SCFD1: variants seen among roughly 807,000 people sequenced by gnomAD.
SCFD1 encodes the protein sec1 family domain containing 1.
Under a neutral mutation model 103.2 loss-of-function variants are expected in SCFD1, and 37 were observed. The ratio of observed to expected loss-of-function variants is 0.36; its 90% CI spans 0.28 to 0.47. The LOEUF (loss-of-function observed/expected upper bound fraction) is 0.47. Among genes scored for constraint, SCFD1 ranks in the 20% least tolerant of loss-of-function variants. The pLI, the probability that SCFD1 is intolerant of heterozygous loss-of-function variation, is 1.00. For synonymous variants in SCFD1, 264 were observed against 245.0 expected, an observed-to-expected ratio of 1.08 and a Z score of -0.73; for missense variants, 639 against 761.2, an observed-to-expected ratio of 0.84 and a Z score of 1.89.
chr14:30,640,106 C>T (rs773048409), intron 6 of SCFD1, among the ~76,000 whole-genome samples: 3 of 152,106 alleles, frequency 2.0e-5, no homozygotes, highest in Admixed American at 2.0e-4. Context: ...TTTCTATACC[C>T]CCACAGCAAC....
intron 10 of SCFD1, among the ~76,000 whole-genome samples, chr14:30,655,461 T>C (rs1021559475): frequency 6.6e-6 from 1 of 152,182 alleles, no homozygotes; most frequent in African/African-American, 2.4e-5. Context: ...TTGACTTTAA[T>C]TTGATGGAAA....
chr14:30,625,718 G>A (rs1883357335), intron 1 of SCFD1, among the ~76,000 whole-genome samples: 1 of 105,614 alleles, frequency 9.5e-6, no homozygotes, highest in South Asian at 2.7e-4. Context: ...TAGGTATATA[G>A]GTATATAGGT....
intron 1 of SCFD1, 114 bp downstream of exon 1, chr14:30,622,513 A>C (rs888144143): frequency 4.8e-5 from 69 of 1,442,768 alleles, no homozygotes; most frequent in Admixed American, 7.8e-5. Context: ...AGTCCCTAGA[A>C]CATCAAGAGC....
intron 14 of SCFD1, chr14:30,683,449 A>T: frequency 2.0e-6 from 1 of 488,074 alleles, no homozygotes; most frequent in Non-Finnish European, 4.0e-6. Flanking sequence ...GATTCAGGGA[A>T]GGCAGAAATG....
intron 23 of SCFD1, among the ~76,000 whole-genome samples, chr14:30,732,536 C>G (rs1244990964): frequency 6.6e-6 from 1 of 152,132 alleles, no homozygotes; most frequent in Non-Finnish European, 1.5e-5. Context: ...CTAATCTTTT[C>G]CCTACCATTC....
chr14:30,723,504 T>C (rs1185880560), intron 23 of SCFD1, among the ~76,000 whole-genome samples: 1 of 152,166 alleles, frequency 6.6e-6, no homozygotes, highest in African/African-American at 2.4e-5. Context: ...ATCACTCAGG[T>C]ATTAAGCCTA....
At chr14:30,675,622 C>T (rs562730427) in intron 14 of SCFD1, among the ~76,000 whole-genome samples, 1 of 152,270 alleles carries the variant, frequency 6.6e-6, no homozygotes, top group South Asian at 2.1e-4. Flanking sequence ...CTTACTTAAT[C>T]AGTCCTTCAG....
At position 30,622,350 on chromosome 14, in the gene SCFD1, GGCGGCAGCGACAGCAGCAGCAGCA is replaced by G. The variant is rs1594528863; in HGVS notation, c.15_38del (p.Ala6_Ala13del). 1 of 1,570,362 alleles carries G rather than the reference GGCGGCAGCGACAGCAGCAGCAGCA, an allele frequency of 6.4e-7. No homozygotes were observed. The highest frequency in any genetic ancestry group is 2.4e-5 in the East Asian group (1 of 42,410). ...TCGTGGGAGCCAAGATGGCGGCGGC[GGCGGCAGCGACAGCAGCAGCAGCA>G]GCCAGTATTCGGGAAAGGCAGACAG... On this transcript the variant is annotated inframe_deletion, in exon 1 of 25. Transcript: ENST00000458591.
chr14:30,691,243 C>T (rs941312200), intron 14 of SCFD1, among the ~76,000 whole-genome samples: 1 of 152,142 alleles, frequency 6.6e-6, no homozygotes, highest in Non-Finnish European at 1.5e-5. Context: ...TTAATAATTC[C>T]TAGCTCATAG....
At chr14:30,706,150 T>A (rs1283591084) in intron 18 of SCFD1, among the ~76,000 whole-genome samples, 2 of 152,200 alleles carry the variant, frequency 1.3e-5, no homozygotes, top group Non-Finnish European at 2.9e-5. Context: ...AATTAGCATA[T>A]CACCTCAAAC....
Position 30,664,482 on chromosome 14 carries a change from C to T in SCFD1, c.856-5774C>T, listed in dbSNP as rs1172174301. 2.6e-5 allele frequency among the ~76,000 whole-genome samples: 4 copies of T among 152,104 alleles called. No individual in the cohort carries two copies. In the East Asian group the frequency reaches 5.8e-4, roughly 22 times the overall value. ...AACCTGGAAATTCTAAAAACCAGAG[C>T]GCCCCTTCTTCTCCAAAGGATTGCA... is the stretch of plus-strand genomic sequence containing the variant. On this transcript the variant is annotated intron_variant, in intron 10 of 24. Coordinates refer to ENST00000458591, the MANE Select transcript of SCFD1 (RefSeq NM_016106.4).
chr14:30,708,448 A>G (rs1201980633), intron 19 of SCFD1, among the ~76,000 whole-genome samples: 1 of 152,164 alleles, frequency 6.6e-6, no homozygotes, highest in Non-Finnish European at 1.5e-5. Context: ...TTAGAAATCA[A>G]GGAGTTCTTT....
chr14:30,704,717 T>G (rs1009526931), intron 17 of SCFD1, among the ~76,000 whole-genome samples: 34 of 152,200 alleles, frequency 2.2e-4, no homozygotes, highest in Admixed American at 3.3e-4. Context: ...CTTATAAAAT[T>G]TTCTTTAGGT....
At chr14:30,634,713 A>G (rs1466426099) in intron 4 of SCFD1, 1 of 430,148 alleles carries the variant, frequency 2.3e-6, no homozygotes, top group Non-Finnish European at 4.6e-6. Flanking sequence ...TAAGGTAATC[A>G]AAGACCCAGG....
chr14:30,646,949 G>A (rs1260252150), intron 7 of SCFD1, among the ~76,000 whole-genome samples: 3 of 152,134 alleles, frequency 2.0e-5, no homozygotes, highest in African/African-American at 2.4e-5. Context: ...CTGTGGGGTC[G>A]ATGATAATGT....
intron 10 of SCFD1, among the ~76,000 whole-genome samples, chr14:30,661,660 C>T (rs1566608136): frequency 6.6e-6 from 1 of 152,132 alleles, no homozygotes; most frequent in Non-Finnish European, 1.5e-5. Flanking sequence ...CTAGGAGCTT[C>T]TGTAAATTGT....
Position 30,630,869 on chromosome 14 carries a change from A to T in SCFD1, c.221+304A>T, listed in dbSNP as rs1884038236. On this transcript the variant is annotated intron_variant, in intron 3 of 24. Transcript: ENST00000458591. ...TTTTGTTCCTTTAATTTAAATACAC[A>T]GATTCTCCTTGACCTACAATGGGGT... 1.5e-5 allele frequency: 4 copies of T among 275,386 alleles called. No individual in the cohort carries two copies. The South Asian group carries it at 2.1e-4, about 14-fold the overall frequency. 17.1% of individuals were successfully genotyped at this position (275,386 alleles called of 1,614,324 possible). A position where few individuals can be genotyped will look rare whatever the true frequency, so the allele number is the denominator to read the frequency against.
chr14:30,654,885 A>G (rs1886752399), intron 10 of SCFD1, among the ~76,000 whole-genome samples: 1 of 152,194 alleles, frequency 6.6e-6, no homozygotes, highest in Non-Finnish European at 1.5e-5. Flanking sequence ...AGAAGAATCA[A>G]AGGGACTCTT....
chr14:30,628,598 G>A (rs79529859), intron 2 of SCFD1, among the ~76,000 whole-genome samples: 3,789 of 152,152 alleles, frequency 0.025, 141 homozygotes, highest in African/African-American at 0.084. Flanking sequence ...AAGCTTGCTC[G>A]GAGTTAGTCA....
Sources: allele counts gnomAD v4.1 joint callset (sites outside exome capture counted in the v4.1 genomes callset), GRCh38; gene constraint gnomAD v4.1.1; transcripts MANE v1.5; gene names NCBI Gene and HGNC (gene_info 2026-07-23, HGNC 2026-07-21).